Variants in ABCG2 observed in about 807,000 individuals in gnomAD.
The protein encoded by ABCG2 is broad substrate specificity ATP-binding cassette transporter ABCG2.
ABCG2 carries 80 observed loss-of-function variants against 73.5 expected under a neutral mutation model. The ratio of observed to expected loss-of-function variants is 1.09; its 90% CI spans 0.91 to 1.31. The LOEUF (loss-of-function observed/expected upper bound fraction) is 1.31. Ranked by LOEUF, ABCG2 falls within the 50% of genes most tolerant of loss-of-function variation. The pLI, the probability that ABCG2 is intolerant of heterozygous loss-of-function variation, is 0.00. For synonymous variants in ABCG2, 269 were observed against 282.4 expected (o/e 0.95, Z 0.48); for missense variants, 796 against 786.2 (o/e 1.01, Z -0.15).
chr4:88,186,892 C>T (rs1728481540), intron 1 of ABCG2, among the ~76,000 whole-genome samples: 1 of 136,924 alleles, frequency 7.3e-6, no homozygotes, highest in Non-Finnish European at 1.6e-5. Context: ...GCACTCCAGC[C>T]TGGGCGACAG....
intron 1 of ABCG2, among the ~76,000 whole-genome samples, chr4:88,142,734 C>T (rs184821615): frequency 1.8e-4 from 27 of 152,206 alleles, no homozygotes; most frequent in South Asian, 6.2e-4. Flanking sequence ...ATCACTTGAA[C>T]GCAGGAATTC....
At chr4:88,109,489 G>A (rs1722987897) in intron 9 of ABCG2, among the ~76,000 whole-genome samples, 1 of 152,152 alleles carries the variant, frequency 6.6e-6, no homozygotes. Context: ...CTTTTATAAG[G>A]TGTGTCTGTG....
At chr4:88,172,192 G>A (rs971671669) in intron 1 of ABCG2, among the ~76,000 whole-genome samples, 1 of 151,494 alleles carries the variant, frequency 6.6e-6, no homozygotes, top group African/African-American at 2.4e-5. Context: ...CTACTCGGGA[G>A]GCTGAGGCAG....
At chr4:88,153,714 G>A (rs983941620) in intron 1 of ABCG2, among the ~76,000 whole-genome samples, 13 of 152,050 alleles carry the variant, frequency 8.5e-5, no homozygotes, top group Non-Finnish European at 1.6e-4. Flanking sequence ...CAGACCCTGT[G>A]GGAAAGGCCT....
chr4:88,153,879 A>G (rs55924362), intron 1 of ABCG2, among the ~76,000 whole-genome samples: 11,304 of 152,100 alleles, frequency 0.074, 512 homozygotes, highest in Middle Eastern at 0.11. Flanking sequence ...ATTCCTGAGG[A>G]GTAGTAGAAT....
chr4:88,184,058 C>A (rs147697671), intron 1 of ABCG2, among the ~76,000 whole-genome samples: 77 of 152,152 alleles, frequency 5.1e-4, no homozygotes, highest in Non-Finnish European at 5.9e-5. Context: ...AAGAATATTC[C>A]TCAACATAAT....
intron 11 of ABCG2, among the ~76,000 whole-genome samples, chr4:88,099,689 G>A (rs1237853220): frequency 6.6e-6 from 1 of 152,132 alleles, no homozygotes; most frequent in Non-Finnish European, 1.5e-5. Flanking sequence ...CCCTCCTATT[G>A]CTGCTCTTTC....
At chr4:88,199,869 T>G (rs898468164) in intron 1 of ABCG2, among the ~76,000 whole-genome samples, 3 of 151,538 alleles carry the variant, frequency 2.0e-5, no homozygotes, top group African/African-American at 7.3e-5. Flanking sequence ...GGCGTGGTCG[T>G]GGGTGCCTGT....
chr4:88,151,252 C>A (rs1726456581), intron 1 of ABCG2, among the ~76,000 whole-genome samples: 1 of 152,140 alleles, frequency 6.6e-6, no homozygotes, highest in African/African-American at 2.4e-5. Flanking sequence ...GTCATTAGAA[C>A]ATTTTGGGAT....
upstream of ABCG2, chr4:88,158,854 G>A (rs536576891): frequency 1.0e-3 from 341 of 334,636 alleles, 1 homozygote; most frequent in Non-Finnish European, 1.4e-3. Flanking sequence ...CTCAGGCAGC[G>A]CTGACACGAA....
intron 1 of ABCG2, among the ~76,000 whole-genome samples, chr4:88,221,958 C>T (rs539151731): frequency 3.4e-4 from 52 of 152,288 alleles, no homozygotes; most frequent in African/African-American, 9.6e-4. Context: ...TAGGACATGT[C>T]GGAGACCTTC....
intron 9 of ABCG2, among the ~76,000 whole-genome samples, chr4:88,110,907 T>C (rs924794351): frequency 6.6e-6 from 1 of 152,180 alleles, no homozygotes; most frequent in Non-Finnish European, 1.5e-5. Context: ...AAGCAGATGC[T>C]CAGGGAGATA....
chr4:88,155,686 C>T (rs1391981360), intron 1 of ABCG2, among the ~76,000 whole-genome samples: 1 of 152,168 alleles, frequency 6.6e-6, no homozygotes, highest in Non-Finnish European at 1.5e-5. Context: ...GGGTGGATCA[C>T]CCAAAGTCAG....
chr4:88,117,664 GC>G (rs530460842), intron 7 of ABCG2, among the ~76,000 whole-genome samples: 105 of 152,140 alleles, frequency 6.9e-4, no homozygotes, highest in African/African-American at 2.5e-3. Context: ...AAATTAAGTA[GC>G]ATTTCCATGA....
chr4:88,097,998 G>A (rs1019891546), intron 12 of ABCG2, among the ~76,000 whole-genome samples: 35 of 152,286 alleles, frequency 2.3e-4, no homozygotes, highest in Non-Finnish European at 4.0e-4. Flanking sequence ...TGGGACGATC[G>A]GGATGCCATG....
chr4:88,201,718 G>A (rs1441606453), intron 1 of ABCG2: 1 of 152,152 alleles, frequency 6.6e-6, no homozygotes, highest in East Asian at 1.9e-4. Flanking sequence ...TGCTTTGAGA[G>A]CACATATACT....
At chr4:88,124,788 A>T (rs972232740) in intron 5 of ABCG2, among the ~76,000 whole-genome samples, 1 of 152,198 alleles carries the variant, frequency 6.6e-6, no homozygotes, top group Non-Finnish European at 1.5e-5. Flanking sequence ...ACTTGAACTC[A>T]GCTCTGGACC....
intron 11 of ABCG2, 82 bp from the exon 12 acceptor site, chr4:88,099,530 T>C: frequency 1.4e-6 from 2 of 1,387,578 alleles, no homozygotes; most frequent in Non-Finnish European, 1.9e-6. Context: ...GTTACAGACC[T>C]CTGCTGACAG....
rs1282408972 is a variant in ABCG2, at chr4:88,097,440, A to G, written c.1647+13T>C. ...AACAATTCCTTATCAGAGCAAACAC[A>G]GTTCAGACTCACCATCATAAACACA... is the stretch of plus-strand genomic sequence containing the variant. On this transcript the variant is annotated intron_variant, in intron 13 of 15. Coordinates refer to ENST00000237612, the MANE Select transcript of ABCG2 (RefSeq NM_004827.3). 1.2e-6 allele frequency: 2 copies of G among 1,613,360 alleles called. No individual in the cohort carries two copies. The highest frequency in any genetic ancestry group is 1.7e-6 in the Non-Finnish European group (2 of 1,179,742).
Sources: allele counts gnomAD v4.1 joint callset (sites outside exome capture counted in the v4.1 genomes callset), GRCh38; gene constraint gnomAD v4.1.1; transcripts MANE v1.5; gene names NCBI Gene and HGNC (gene_info 2026-07-23, HGNC 2026-07-21).